Variants in CTNNA2 observed in about 807,000 individuals in gnomAD.
CTNNA2 encodes the protein catenin alpha 2.
In CTNNA2, 42 loss-of-function variants were observed where a neutral mutation model predicts 101.0. The ratio of observed to expected loss-of-function variants is 0.42; its 90% CI spans 0.32 to 0.54. CTNNA2 has a LOEUF of 0.54. Ranked by LOEUF, CTNNA2 falls within the 20% of genes least tolerant of loss-of-function variation. The pLI is 0.14. For synonymous variants in CTNNA2, 450 were observed against 456.4 expected (o/e 0.99, Z 0.18); for missense variants, 871 against 1,223.1 (o/e 0.71, Z 4.29).
At chr2:79,988,623 T>G (rs1434900048) in intron 7 of CTNNA2, among the ~76,000 whole-genome samples, 3 of 152,154 alleles carry the variant, frequency 2.0e-5, no homozygotes, top group Non-Finnish European at 4.4e-5. Flanking sequence ...AGAGCTTATT[T>G]TACAACCAAA....
chr2:79,734,091 T>C (rs1446955876), intron 2 of CTNNA2, among the ~76,000 whole-genome samples: 1 of 152,172 alleles, frequency 6.6e-6, no homozygotes, highest in East Asian at 1.9e-4. Flanking sequence ...TTTTAATTTC[T>C]AGGGACATTC....
intron 7 of CTNNA2, among the ~76,000 whole-genome samples, chr2:80,247,136 G>A (rs2149100028): frequency 6.6e-6 from 1 of 152,272 alleles, no homozygotes; most frequent in East Asian, 1.9e-4. Context: ...GAAGGATGGA[G>A]AAAGCTTTAA....
In CTNNA2 at chr2:79,536,574, A is replaced by AGTGT. The variant is rs61029469; in HGVS notation, c.-6+23392_-6+23395dup. 9.8e-4 allele frequency among the ~76,000 whole-genome samples: 144 copies of AGTGT among 146,810 alleles called. 1 individual carries two copies. Among genetic ancestry groups the AGTGT allele is most frequent in the East Asian group, 8.3e-3 (41 of 4,950 alleles). Reference sequence around the variant, plus strand: ...ATATACACCTAAATATCTCTAAAGAAGTGTGTGTGTGTGTGTGTGTGTGTG... The same window carrying AGTGT: ...ATATACACCTAAATATCTCTAAAGAAGTGTGTGTGTGTGTGTGTGTGTGTGTGTG... On this transcript the variant is annotated intron_variant, in intron 1 of 18. Transcript: ENST00000402739.
intron 2 of CTNNA2, among the ~76,000 whole-genome samples, chr2:79,254,085 C>G (rs567375877): frequency 6.6e-6 from 1 of 151,334 alleles, no homozygotes; most frequent in Admixed American, 6.5e-5. Context: ...TCTGGATAAC[C>G]ACTTGTTGCA....
chr2:80,427,123 A>G (rs1681066532), intron 9 of CTNNA2, among the ~76,000 whole-genome samples: 1 of 152,132 alleles, frequency 6.6e-6, no homozygotes, highest in African/African-American at 2.4e-5. Context: ...CAAGAAAGAG[A>G]TGGTGCTTAA....
intron 4 of CTNNA2, among the ~76,000 whole-genome samples, chr2:79,422,638 A>G (rs1411102684): frequency 6.6e-6 from 1 of 152,244 alleles, no homozygotes; most frequent in Non-Finnish European, 1.5e-5. Flanking sequence ...GAATTTTTAA[A>G]TTGGAAATCA....
chr2:80,281,600 C>A (rs1009194326), intron 7 of CTNNA2, among the ~76,000 whole-genome samples: 14 of 151,804 alleles, frequency 9.2e-5, no homozygotes, highest in African/African-American at 2.7e-4. Flanking sequence ...TTGGTTCTTA[C>A]TTTTTTTTCC....
intron 1 of CTNNA2, among the ~76,000 whole-genome samples, chr2:79,628,340 C>T (rs992762539): frequency 2.6e-5 from 4 of 151,946 alleles, no homozygotes; most frequent in African/African-American, 9.7e-5. Context: ...GTAATCCTAG[C>T]TGCTCAGGAG....
chr2:80,417,287 T>A (rs1410304676), intron 8 of CTNNA2, among the ~76,000 whole-genome samples: 3 of 151,636 alleles, frequency 2.0e-5, no homozygotes, highest in Non-Finnish European at 4.4e-5. Flanking sequence ...AAACCCACCT[T>A]ATCAGCAATT....
chr2:79,348,695 A>G (rs1677317438), intron 3 of CTNNA2, among the ~76,000 whole-genome samples: 2 of 152,238 alleles, frequency 1.3e-5, no homozygotes, highest in South Asian at 2.1e-4. Context: ...TAATTAATCT[A>G]TTGAGGTAAT....
chr2:80,385,901 C>T (rs1157650124), intron 7 of CTNNA2, among the ~76,000 whole-genome samples: 1 of 152,118 alleles, frequency 6.6e-6, no homozygotes, highest in East Asian at 1.9e-4. Context: ...TGCTGATTCT[C>T]ACTGGTTTGG....
At chr2:79,670,018 G>A (rs1028699700) in intron 2 of CTNNA2, among the ~76,000 whole-genome samples, 25 of 152,192 alleles carry the variant, frequency 1.6e-4, no homozygotes, top group African/African-American at 6.0e-4. Context: ...AGAGAGGCCA[G>A]GCTGTGGGAG....
intron 3 of CTNNA2, among the ~76,000 whole-genome samples, chr2:79,367,074 G>T (rs1293884690): frequency 6.6e-6 from 1 of 152,142 alleles, no homozygotes; most frequent in African/African-American, 2.4e-5. Context: ...GGTCATAAGG[G>T]TAGAGCCCTC....
At chr2:79,604,806 C>G (rs1250200240) in intron 1 of CTNNA2, among the ~76,000 whole-genome samples, 2 of 152,126 alleles carry the variant, frequency 1.3e-5, no homozygotes, top group Admixed American at 6.5e-5. Flanking sequence ...AAATGATTAG[C>G]CCCAGAATGA....
intron 7 of CTNNA2, among the ~76,000 whole-genome samples, chr2:80,009,015 A>G (rs1211501691): frequency 6.6e-6 from 1 of 152,210 alleles, no homozygotes; most frequent in East Asian, 1.9e-4. Context: ...ACAAAGTGAA[A>G]GACATACATA....
intron 7 of CTNNA2, among the ~76,000 whole-genome samples, chr2:80,252,455 C>T (rs1305660473): frequency 5.3e-5 from 8 of 152,050 alleles, no homozygotes; most frequent in Non-Finnish European, 1.0e-4. Flanking sequence ...ATTCAAAGTT[C>T]TTGGCTCAGC....
chr2:80,238,328 C>G (rs560842681), intron 7 of CTNNA2, among the ~76,000 whole-genome samples: 1 of 152,324 alleles, frequency 6.6e-6, no homozygotes, highest in South Asian at 2.1e-4. Flanking sequence ...GACTTCCACT[C>G]TGCAGTTGTA....
rs528775936 is a variant in CTNNA2, at chr2:80,177,585, G to C, written c.1057-215626G>C. On this transcript the variant is annotated intron_variant, in intron 7 of 18. Coordinates refer to ENST00000402739, the MANE Select transcript of CTNNA2 (RefSeq NM_001282597.3). ...GGCCACTTTTTTCATGGGCCCACTG[G>C]GCAATGACAGGGGTGACTGGGGAAA... Among the ~76,000 whole-genome samples the C allele has an allele frequency of 1.3e-4, 20 of 152,224 alleles. 1 individual carries two copies. The highest frequency in any genetic ancestry group is 7.8e-4 in the Admixed American group (12 of 15,292).
intron 12 of CTNNA2, among the ~76,000 whole-genome samples, chr2:80,564,480 G>C (rs1186139385): frequency 6.6e-6 from 1 of 151,072 alleles, no homozygotes; most frequent in East Asian, 1.9e-4. Flanking sequence ...GATTCTTTTA[G>C]GGTAGTTGTC....
Sources: allele counts gnomAD v4.1 joint callset (sites outside exome capture counted in the v4.1 genomes callset), GRCh38; gene constraint gnomAD v4.1.1; transcripts MANE v1.5; gene names NCBI Gene and HGNC (gene_info 2026-07-23, HGNC 2026-07-21).